The following ANKRD55 variants were observed in gnomAD, a reference collection of about 807,000 sequenced individuals.
ANKRD55 encodes ankyrin repeat domain-containing protein 55.
ANKRD55 carries 41 observed loss-of-function variants against 60.6 expected under a neutral mutation model. That is an observed-to-expected ratio of 0.68 (90% CI 0.53 to 0.88). The LOEUF is 0.88. Ranked by LOEUF, ANKRD55 falls within the 40% of genes least tolerant of loss-of-function variation. ANKRD55 has a pLI of 0.00. For missense variants in ANKRD55, 732 were observed against 767.6 expected (o/e 0.95, Z 0.55); for synonymous variants, 264 against 290.3 (o/e 0.91, Z 0.92).
chr5:56,159,266 A>G (rs1758266275), intron 6 of ANKRD55, among the ~76,000 whole-genome samples: 1 of 152,212 alleles, frequency 6.6e-6, no homozygotes, highest in African/African-American at 2.4e-5. Context: ...GTTTGAGACC[A>G]GCTTGACCAA....
intron 2 of ANKRD55, among the ~76,000 whole-genome samples, 188 bp from the exon 3 acceptor site, chr5:56,183,822 T>C (rs534975460): frequency 6.6e-6 from 1 of 152,274 alleles, no homozygotes; most frequent in African/African-American, 2.4e-5. Context: ...CTCATGCCAT[T>C]TGTAACACCG....
intron 8 of ANKRD55, among the ~76,000 whole-genome samples, chr5:56,124,088 C>G (rs1363849547): frequency 1.3e-5 from 2 of 152,096 alleles, no homozygotes; most frequent in Non-Finnish European, 2.9e-5. Flanking sequence ...TAAACATTCC[C>G]CAGAGAATTC....
At chr5:56,132,481 C>T (rs572819385) in intron 7 of ANKRD55, among the ~76,000 whole-genome samples, 1 of 148,202 alleles carries the variant, frequency 6.7e-6, no homozygotes, top group South Asian at 2.1e-4. Flanking sequence ...GTCCCAACTA[C>T]TCAGGAGGCT....
At chr5:56,204,138 T>C (rs1036633681) in intron 2 of ANKRD55, among the ~76,000 whole-genome samples, 3 of 152,206 alleles carry the variant, frequency 2.0e-5, no homozygotes, top group African/African-American at 7.2e-5. Context: ...TTTTGAGAAG[T>C]GTCTGTTCAT....
intron 8 of ANKRD55, chr5:56,117,069 T>A: frequency 4.2e-6 from 1 of 240,672 alleles, no homozygotes; most frequent in Non-Finnish European, 7.9e-6. Context: ...AGTTTTGAGG[T>A]TCTTTATACA....
chr5:56,146,422 T>C (rs10213692), intron 6 of ANKRD55, among the ~76,000 whole-genome samples: 25,708 of 151,878 alleles, frequency 0.17, 2,740 homozygotes, highest in Middle Eastern at 0.32. Context: ...GTAGCTGAGA[T>C]TACAGGTGCC....
At chr5:56,223,022 A>G (rs538873888) in intron 2 of ANKRD55, among the ~76,000 whole-genome samples, 20 of 152,272 alleles carry the variant, frequency 1.3e-4, no homozygotes, top group Admixed American at 5.9e-4. Context: ...GATACTCCTC[A>G]AGAAGACCAA....
chr5:56,187,691 T>C (rs1759004960), intron 2 of ANKRD55, among the ~76,000 whole-genome samples: 1 of 152,264 alleles, frequency 6.6e-6, no homozygotes, highest in South Asian at 2.1e-4. Context: ...CCTGCACGGC[T>C]AACTGCCTGG....
chr5:56,166,022 A>G (rs1482661652), intron 5 of ANKRD55, among the ~76,000 whole-genome samples: 2 of 152,158 alleles, frequency 1.3e-5, no homozygotes, highest in African/African-American at 2.4e-5. Context: ...ATTTAAACTC[A>G]GTCAGTCTGA....
At chr5:56,203,852 G>C (rs1443485900) in intron 2 of ANKRD55, among the ~76,000 whole-genome samples, 4 of 152,168 alleles carry the variant, frequency 2.6e-5, no homozygotes, top group Admixed American at 6.5e-5. Context: ...TATATACCCA[G>C]TAATGGGATG....
intron 5 of ANKRD55, among the ~76,000 whole-genome samples, chr5:56,166,107 T>TTTCTTTC (rs1554040796): frequency 0.037 from 2,234 of 61,192 alleles, 124 homozygotes; most frequent in Non-Finnish European, 0.051. Context: ...TCTTTCTTTC[T>TTTCTTTC]TTCTTTCTTT....
chr5:56,208,513 C>T (rs532634994), intron 2 of ANKRD55, among the ~76,000 whole-genome samples: 2 of 152,210 alleles, frequency 1.3e-5, no homozygotes, highest in Non-Finnish European at 2.9e-5. Flanking sequence ...TAACCTCCAC[C>T]TCCTGGGTTC....
intron 2 of ANKRD55, chr5:56,192,781 C>A: frequency 9.8e-7 from 1 of 1,015,984 alleles, no homozygotes; most frequent in African/African-American, 1.6e-5. Context: ...AGAACACAGA[C>A]ATCGCTGAAA....
At chr5:56,198,700 G>C (rs758528619) in intron 2 of ANKRD55, among the ~76,000 whole-genome samples, 14 of 152,170 alleles carry the variant, frequency 9.2e-5, no homozygotes, top group Non-Finnish European at 1.8e-4. Flanking sequence ...TAGTAGGCCT[G>C]ACAGAAACAT....
chr5:56,110,057 A>G (rs1024825634), intron 10 of ANKRD55, among the ~76,000 whole-genome samples: 3 of 151,842 alleles, frequency 2.0e-5, no homozygotes, highest in African/African-American at 7.3e-5. Flanking sequence ...TCTCAAAAAA[A>G]AAAAAATCTT....
At chr5:56,110,093 T>A (rs1181190051) in intron 10 of ANKRD55, among the ~76,000 whole-genome samples, 1 of 151,596 alleles carries the variant, frequency 6.6e-6, no homozygotes, top group African/African-American at 2.4e-5. Context: ...ATCATCTATC[T>A]ATCTGTCTAT....
At chr5:56,116,281 T>C (rs1756884518) in intron 9 of ANKRD55, among the ~76,000 whole-genome samples, 1 of 152,072 alleles carries the variant, frequency 6.6e-6, no homozygotes, top group South Asian at 2.1e-4. Flanking sequence ...TTGAGACTCA[T>C]CAAATTAGGC....
At chr5:56,115,732 T>G (rs1350589695) in intron 9 of ANKRD55, among the ~76,000 whole-genome samples, 3 of 152,184 alleles carry the variant, frequency 2.0e-5, no homozygotes, top group Non-Finnish European at 4.4e-5. Flanking sequence ...AATAGAAATA[T>G]TAAATAAAAC....
chr5:56,140,276 A>G (rs1757724675), intron 7 of ANKRD55, among the ~76,000 whole-genome samples: 1 of 152,240 alleles, frequency 6.6e-6, no homozygotes, highest in Non-Finnish European at 1.5e-5. Context: ...ATTTCAGCTG[A>G]CATTTGGAAT....
Sources: gnomAD v4.1 joint callset for allele counts (sites outside exome capture counted in the v4.1 genomes callset) on GRCh38, gnomAD v4.1.1 for gene constraint, MANE v1.5 for transcripts, NCBI Gene and HGNC (gene_info 2026-07-23, HGNC 2026-07-21) for gene names.